SPIDR: variants seen among roughly 807,000 people sequenced by gnomAD.
The protein encoded by SPIDR is scaffold protein involved in DNA repair.
In SPIDR, 93 loss-of-function variants were observed where a neutral mutation model predicts 104.6. The observed-to-expected ratio is 0.89, with a 90% CI of 0.75 to 1.06. SPIDR has a LOEUF of 1.06. Among genes scored for constraint, SPIDR ranks in the 50% least tolerant of loss-of-function variants. SPIDR has a pLI of 0.00. For missense variants in SPIDR, 1,154 were observed against 1,111.2 expected, an observed-to-expected ratio of 1.04 and a Z score of -0.55; for synonymous variants, 431 against 416.9, an observed-to-expected ratio of 1.03 and a Z score of -0.41.
intron 11 of SPIDR, among the ~76,000 whole-genome samples, chr8:47,683,528 G>A (rs1190800881): frequency 6.6e-6 from 1 of 152,172 alleles, no homozygotes; most frequent in African/African-American, 2.4e-5. Context: ...TATTTTCCCA[G>A]TACAAGTTGA....
chr8:47,395,581 T>C (rs1279637943), intron 5 of SPIDR, among the ~76,000 whole-genome samples: 2 of 152,200 alleles, frequency 1.3e-5, no homozygotes, highest in Admixed American at 6.5e-5. Flanking sequence ...AAAATCCTAT[T>C]GTGCTTTAAA....
intron 8 of SPIDR, among the ~76,000 whole-genome samples, chr8:47,565,635 T>C (rs1311399756): frequency 6.6e-6 from 1 of 151,942 alleles, no homozygotes; most frequent in Non-Finnish European, 1.5e-5. Context: ...TTATAGTCTT[T>C]ACTCATTTGT....
intron 5 of SPIDR, among the ~76,000 whole-genome samples, chr8:47,309,443 G>A (rs587767571): frequency 6.6e-6 from 1 of 152,178 alleles, no homozygotes; most frequent in Admixed American, 6.5e-5. Flanking sequence ...AGTAACTGTA[G>A]GTACCAATAT....
chr8:47,331,839 A>G (rs1554604759), intron 5 of SPIDR, among the ~76,000 whole-genome samples: 2 of 151,264 alleles, frequency 1.3e-5, no homozygotes, highest in South Asian at 2.1e-4. Flanking sequence ...ACATAAACAT[A>G]TTGTTCAGCT....
At chr8:47,368,411 T>A (rs1322384812) in intron 5 of SPIDR, among the ~76,000 whole-genome samples, 3 of 126,992 alleles carry the variant, frequency 2.4e-5, no homozygotes, top group South Asian at 2.6e-4. Context: ...ATCCCACTGC[T>A]GAGTGCAGAT....
chr8:47,298,536 T>G (rs1352182850), intron 5 of SPIDR, among the ~76,000 whole-genome samples: 2 of 152,216 alleles, frequency 1.3e-5, no homozygotes, highest in African/African-American at 4.8e-5. Context: ...CCCATGCCTG[T>G]GTCCTGAATG....
chr8:47,362,723 G>A (rs111836564), intron 5 of SPIDR, among the ~76,000 whole-genome samples: 13 of 152,292 alleles, frequency 8.5e-5, no homozygotes, highest in African/African-American at 2.9e-4. Flanking sequence ...CACAATCTCA[G>A]CTTACTGCAA....
At chr8:47,406,054 G>A (rs114201696) in intron 6 of SPIDR, among the ~76,000 whole-genome samples, 137 of 148,860 alleles carry the variant, frequency 9.2e-4, no homozygotes, top group African/African-American at 2.9e-3. Flanking sequence ...TTCTAGGCTT[G>A]ACTTTAACCA....
Position 47,543,573 on chromosome 8 carries a change from G to T in SPIDR, c.1098-52238G>T, listed in dbSNP as rs1021029287. ...CACAGGTATTTATGCCCAATGGGTT[G>T]GCTAAGTATACATATTCAAATTTAG... On this transcript the variant is annotated intron_variant, in intron 8 of 19. Transcript: ENST00000297423. Among the ~76,000 whole-genome samples the T allele has an allele frequency of 5.3e-5, 8 of 152,192 alleles. No homozygotes were observed. The South Asian group carries it at 6.2e-4, about 12-fold the overall frequency.
At chr8:47,728,135 A>G (rs1425961231) in intron 17 of SPIDR, among the ~76,000 whole-genome samples, 2 of 150,788 alleles carry the variant, frequency 1.3e-5, no homozygotes, top group African/African-American at 2.4e-5. Context: ...AAGAGAAAAA[A>G]AAAAGCAAAG....
At chr8:47,526,724 G>A (rs1190072729) in intron 8 of SPIDR, among the ~76,000 whole-genome samples, 1 of 152,162 alleles carries the variant, frequency 6.6e-6, no homozygotes, top group Non-Finnish European at 1.5e-5. Flanking sequence ...GTCCAAAGCA[G>A]GAGTTCTGAC....
intron 7 of SPIDR, among the ~76,000 whole-genome samples, chr8:47,422,691 T>C (rs782071086): frequency 6.6e-5 from 10 of 152,176 alleles, no homozygotes; most frequent in Non-Finnish European, 1.0e-4. Flanking sequence ...CATATGTCTT[T>C]TGTGTCGCTC....
At chr8:47,485,289 G>A (rs1253998719) in intron 8 of SPIDR, among the ~76,000 whole-genome samples, 3 of 152,190 alleles carry the variant, frequency 2.0e-5, no homozygotes, top group South Asian at 4.1e-4. Context: ...ACTGCAAGGC[G>A]GCAGCGAGGC....
At chr8:47,624,526 G>T (rs1183166934) in intron 10 of SPIDR, among the ~76,000 whole-genome samples, 1 of 151,984 alleles carries the variant, frequency 6.6e-6, no homozygotes, top group African/African-American at 2.4e-5. Context: ...AAGAATCAAA[G>T]AGACGCAATA....
chr8:47,268,017 G>A (rs372124664), intron 1 of SPIDR, among the ~76,000 whole-genome samples: 45 of 152,288 alleles, frequency 3.0e-4, no homozygotes, highest in African/African-American at 1.1e-3. Context: ...TCTACACACT[G>A]TGAGGTAGGG....
chr8:47,647,487 C>T (rs765979750), intron 10 of SPIDR, among the ~76,000 whole-genome samples: 5 of 152,064 alleles, frequency 3.3e-5, no homozygotes, highest in Non-Finnish European at 7.4e-5. Context: ...TGTTGGTGCA[C>T]GCCTATAATC....
intron 8 of SPIDR, among the ~76,000 whole-genome samples, chr8:47,533,944 C>T (rs2086471616): frequency 6.6e-6 from 1 of 152,218 alleles, no homozygotes; most frequent in Non-Finnish European, 1.5e-5. Flanking sequence ...TGTGTCCCCA[C>T]CCAAATCTCA....
At chr8:47,467,486 C>T (rs930053980) in intron 8 of SPIDR, among the ~76,000 whole-genome samples, 5 of 151,974 alleles carry the variant, frequency 3.3e-5, no homozygotes, top group Non-Finnish European at 2.9e-5. Context: ...AAACTGAGTC[C>T]GCAACACATC....
intron 8 of SPIDR, among the ~76,000 whole-genome samples, chr8:47,536,792 A>G (rs1399409748): frequency 6.6e-6 from 1 of 152,220 alleles, no homozygotes; most frequent in Non-Finnish European, 1.5e-5. Context: ...AGACACTGTT[A>G]AGACAATGAA....
Sources: gnomAD v4.1 joint callset for allele counts (sites outside exome capture counted in the v4.1 genomes callset) on GRCh38, gnomAD v4.1.1 for gene constraint, MANE v1.5 for transcripts, NCBI Gene and HGNC (gene_info 2026-07-23, HGNC 2026-07-21) for gene names.